Variants in SLC25A26 observed in about 807,000 individuals in gnomAD.
SLC25A26 encodes solute carrier family 25 member 26, also known as mitochondrial S-adenosylmethionine carrier protein.
SLC25A26 carries 36 observed loss-of-function variants against 37.8 expected under a neutral mutation model. The observed-to-expected ratio is 0.95, with a 90% confidence interval of 0.73 to 1.26. SLC25A26 has a LOEUF of 1.26. SLC25A26 is among the 50% of genes most tolerant of loss of function. SLC25A26 has a pLI of 0.00. For synonymous variants in SLC25A26, 129 were observed against 122.5 expected, an observed-to-expected ratio of 1.05 and a Z score of -0.35; for missense variants, 390 against 331.1, an observed-to-expected ratio of 1.18 and a Z score of -1.38.
chr3:66,191,685 T>C, intron 1 of SLC25A26, among the ~76,000 whole-genome samples: 1 of 149,582 alleles, frequency 6.7e-6, no homozygotes, highest in South Asian at 2.1e-4. Flanking sequence ...AGGTCAGGAG[T>C]TCAAGACCAG....
intron 1 of SLC25A26, among the ~76,000 whole-genome samples, chr3:66,162,383 T>C (rs941059928): frequency 9.1e-6 from 1 of 109,968 alleles, no homozygotes; most frequent in African/African-American, 3.6e-5. Context: ...GGGAGGGGGG[T>C]GCACAACTGA....
chr3:66,224,873 T>A (rs1443679463), intron 1 of SLC25A26, among the ~76,000 whole-genome samples: 1 of 152,202 alleles, frequency 6.6e-6, no homozygotes, highest in Non-Finnish European at 1.5e-5. Flanking sequence ...GTAGGCCCCA[T>A]GCAAGTCTGA....
At position 66,309,759 on chromosome 3, in the gene SLC25A26, T is replaced by G. The variant is rs539296639; in HGVS notation, c.454-36605T>G. On this transcript the variant is annotated intron_variant, in intron 5 of 9. Transcript: ENST00000354883. Reference sequence around the variant, plus strand: ...TTTGTTTCTGCCTTAATTTCGTTATTTATCTAATAGTCATTCAGGAGCAGG... The same window carrying G: ...TTTGTTTCTGCCTTAATTTCGTTATGTATCTAATAGTCATTCAGGAGCAGG... Among the ~76,000 whole-genome samples, 18 of 152,322 alleles carry G rather than the reference T, an allele frequency of 1.2e-4. No individual in the cohort carries two copies. The East Asian group carries it at 3.5e-3, about 29-fold the overall frequency.
At chr3:66,164,773 G>T (rs1305570605) in intron 1 of SLC25A26, among the ~76,000 whole-genome samples, 3 of 152,130 alleles carry the variant, frequency 2.0e-5, no homozygotes, top group Non-Finnish European at 2.9e-5. Context: ...GCCATAGTTT[G>T]CTGACCCCTG....
chr3:66,283,355 T>C (rs1304142219), intron 5 of SLC25A26, among the ~76,000 whole-genome samples: 1 of 152,192 alleles, frequency 6.6e-6, no homozygotes, highest in Non-Finnish European at 1.5e-5. Flanking sequence ...CAGTCTTGGC[T>C]CACTGCAACC....
intron 1 of SLC25A26, among the ~76,000 whole-genome samples, chr3:66,206,976 A>G (rs1158813038): frequency 1.3e-5 from 2 of 149,810 alleles, no homozygotes; most frequent in Non-Finnish European, 3.0e-5. Flanking sequence ...TCCTGGGCTC[A>G]AGTCATCTGT....
At chr3:66,160,379 G>A (rs1213733916) in intron 1 of SLC25A26, among the ~76,000 whole-genome samples, 1 of 152,048 alleles carries the variant, frequency 6.6e-6, no homozygotes, top group Admixed American at 6.6e-5. Flanking sequence ...ACAGCCAGTG[G>A]GTAAAAATAC....
At chr3:66,239,664 T>G (rs996536549) in intron 2 of SLC25A26, among the ~76,000 whole-genome samples, 78 of 152,214 alleles carry the variant, frequency 5.1e-4, no homozygotes, top group African/African-American at 1.8e-3. Flanking sequence ...CAAATCATTT[T>G]AGAGACAGTA....
intron 1 of SLC25A26, among the ~76,000 whole-genome samples, chr3:66,169,446 C>T (rs2070466183): frequency 6.6e-6 from 1 of 152,192 alleles, no homozygotes; most frequent in South Asian, 2.1e-4. Flanking sequence ...GACTCCGTCC[C>T]CTCACTTAGG....
upstream of SLC25A26, among the ~76,000 whole-genome samples, chr3:66,216,006 C>A (rs1031846312): frequency 6.6e-6 from 1 of 152,096 alleles, no homozygotes; most frequent in East Asian, 1.9e-4. Flanking sequence ...AGTATCCTTA[C>A]GTGCTCAGGT....
rs1309490705 is a variant in SLC25A26, at chr3:66,300,251, G to GTTTTTTT, written c.453+36876_453+36877insTTTTTTT. 1.2e-3 allele frequency among the ~76,000 whole-genome samples: 134 copies of GTTTTTTT among 111,604 alleles called. 2 individuals carry two copies. Among genetic ancestry groups the GTTTTTTT allele is most frequent in the Non-Finnish European group, 1.9e-3 (100 of 51,946 alleles). 73.2% of individuals were successfully genotyped at this position (111,604 alleles called of 152,430 possible). A position where few individuals can be genotyped will look rare whatever the true frequency, so the allele number is the denominator to read the frequency against. On this transcript the variant is annotated intron_variant, in intron 5 of 9. Coordinates refer to ENST00000354883, the MANE Select transcript of SLC25A26 (RefSeq NM_001379210.1). The stretch of plus-strand genomic sequence containing the variant: ...TGGACTTCTAGGCTAGGGTTTTTTT[G>GTTTTTTT]TTTTGTTTTTTTTTTTTTTTTTGGT...
chr3:66,364,009 C>T (rs1216865764), intron 7 of SLC25A26, among the ~76,000 whole-genome samples: 3 of 151,676 alleles, frequency 2.0e-5, no homozygotes, highest in Non-Finnish European at 4.4e-5. Context: ...TCCCCAGTCC[C>T]TAAGAGAGAT....
At position 66,377,796 on chromosome 3, in the gene SLC25A26, A is replaced by G. The variant is rs1272032585; in HGVS notation, c.814A>G (p.Lys272Glu). The G allele has an allele frequency of 6.2e-6, 10 of 1,613,626 alleles. No homozygotes were observed. The East Asian group carries it at 1.6e-4, about 25-fold the overall frequency. Residue 272 changes from lysine to glutamate, a missense_variant, in exon 10 of 10, where the codon AAG (lysine) becomes GAG (glutamate). Physicochemically the swap from Lys to Glu is moderately conservative, Grantham distance 56 (BLOSUM62 1). Coordinates refer to ENST00000354883, the MANE Select transcript of SLC25A26 (RefSeq NM_001379210.1). ...THSLLLEVGR[K>E]SP ...CAGCTTGCTGTTGGAAGTTGGCAGA[A>G]AGAGTCCTTGAAGCAGAGACAAGCC...
intron 5 of SLC25A26, among the ~76,000 whole-genome samples, chr3:66,268,005 C>G (rs1469435179): frequency 6.6e-6 from 1 of 152,154 alleles, no homozygotes; most frequent in Non-Finnish European, 1.5e-5. Context: ...TTATATAAGT[C>G]TCCTTAGTGT....
chr3:66,274,916 A>T (rs1211046025), intron 5 of SLC25A26, among the ~76,000 whole-genome samples: 2 of 152,108 alleles, frequency 1.3e-5, no homozygotes, highest in Non-Finnish European at 2.9e-5. Context: ...TACCCAAAGG[A>T]CTATAAATCA....
chr3:66,209,631 TTA>T (rs1366640873), intron 1 of SLC25A26, among the ~76,000 whole-genome samples: 3 of 133,540 alleles, frequency 2.2e-5, no homozygotes, highest in African/African-American at 5.3e-5. Flanking sequence ...TATATCTATT[TTA>T]TATATATATA....
intron 1 of SLC25A26, among the ~76,000 whole-genome samples, chr3:66,181,372 G>C (rs771976244): frequency 1.3e-5 from 2 of 152,166 alleles, no homozygotes; most frequent in African/African-American, 4.8e-5. Flanking sequence ...TCATCTGTAG[G>C]AGAGTAACAA....
chr3:66,361,128 G>C (rs1041409111), intron 6 of SLC25A26, among the ~76,000 whole-genome samples: 3 of 152,100 alleles, frequency 2.0e-5, no homozygotes, highest in Non-Finnish European at 4.4e-5. Context: ...AAAGCAAGAG[G>C]GCAGTTCATT....
chr3:66,149,561 C>T (rs1350071316), intron 1 of SLC25A26, among the ~76,000 whole-genome samples: 1 of 152,188 alleles, frequency 6.6e-6, no homozygotes, highest in Admixed American at 6.5e-5. Context: ...GTTCATTGTG[C>T]TCTTACGTGT....
Sources: gnomAD v4.1 joint callset for allele counts (sites outside exome capture counted in the v4.1 genomes callset) on GRCh38, gnomAD v4.1.1 for gene constraint, MANE v1.5 for transcripts, NCBI Gene and HGNC (gene_info 2026-07-23, HGNC 2026-07-21) for gene names.